Variants in INPP5D observed in about 807,000 individuals in gnomAD.
INPP5D encodes the protein inositol polyphosphate-5-phosphatase D, also known as phosphatidylinositol 3,4,5-trisphosphate 5-phosphatase 1.
Under a neutral mutation model 122.9 loss-of-function variants are expected in INPP5D, and 33 were observed. That is an observed-to-expected ratio of 0.27 (90% CI 0.20 to 0.36). The LOEUF (loss-of-function observed/expected upper bound fraction) is 0.36. Among genes scored for constraint, INPP5D ranks in the 10% least tolerant of loss-of-function variants. INPP5D has a pLI of 1.00. For missense variants in INPP5D, 1,053 were observed against 1,412.7 expected (o/e 0.75, Z 4.08); for synonymous variants, 584 against 576.2 (o/e 1.01, Z -0.19).
At chr2:233,124,843 C>G (rs988418185) in intron 3 of INPP5D, among the ~76,000 whole-genome samples, 2 of 152,360 alleles carry the variant, frequency 1.3e-5, no homozygotes, top group South Asian at 2.1e-4. Flanking sequence ...GTTGTCGGCT[C>G]GAACCAGAGC....
At chr2:233,085,463 T>C (rs192581106) in intron 2 of INPP5D, among the ~76,000 whole-genome samples, 4 of 152,240 alleles carry the variant, frequency 2.6e-5, no homozygotes, top group East Asian at 1.9e-4. Context: ...CTGGTTCCTA[T>C]AGAGGCGACC....
chr2:233,191,856 A>G (rs1200573631), intron 22 of INPP5D, among the ~76,000 whole-genome samples: 1 of 152,250 alleles, frequency 6.6e-6, no homozygotes, highest in Non-Finnish European at 1.5e-5. Flanking sequence ...GGTGGAAGTC[A>G]CTAAAGAGGA....
intron 2 of INPP5D, among the ~76,000 whole-genome samples, chr2:233,081,989 G>A (rs548066450): frequency 2.1e-4 from 32 of 152,264 alleles, no homozygotes; most frequent in African/African-American, 7.5e-4. Flanking sequence ...GGACAGAGTC[G>A]TGGGGGCAGC....
At chr2:233,089,645 G>A (rs187779164) in intron 2 of INPP5D, among the ~76,000 whole-genome samples, 79 of 152,278 alleles carry the variant, frequency 5.2e-4, no homozygotes, top group African/African-American at 1.7e-3. Flanking sequence ...TCCAGTGAGC[G>A]TTATAGCCGT....
At position 233,206,559 on chromosome 2, in the gene INPP5D, G is replaced by T; in HGVS notation, c.3568-147G>T. On this transcript the variant is annotated intron_variant, in intron 26 of 26. Transcript: ENST00000445964. The surrounding 1 kb of genome is among the most constrained non-coding windows in gnomAD (Gnocchi z 4.0). ...CAATTTTTTTAAATAAGCAGGTAAA[G>T]TACTTAGAGCAGTGAGTGCTGGCTC... 1 of 587,338 alleles carries T rather than the reference G, an allele frequency of 1.7e-6. No individual in the cohort carries two copies. The allele number at this position is 587,338 out of a possible 1,614,324, so 36.4% of individuals were successfully genotyped here. A position where few individuals can be genotyped will look rare whatever the true frequency, so the allele number is the denominator to read the frequency against.
At chr2:233,153,494 G>A (rs1375398231) in intron 9 of INPP5D, among the ~76,000 whole-genome samples, 1 of 152,186 alleles carries the variant, frequency 6.6e-6, no homozygotes, top group Non-Finnish European at 1.5e-5. Flanking sequence ...GAGATGGATA[G>A]CGAGAGTCAC....
intron 9 of INPP5D, among the ~76,000 whole-genome samples, chr2:233,151,501 A>G (rs1693923482): frequency 6.6e-6 from 1 of 152,032 alleles, no homozygotes; most frequent in Non-Finnish European, 1.5e-5. Flanking sequence ...ATCAGAGCAC[A>G]ATTGACTCCT....
chr2:233,181,303 C>A (rs4395246), intron 18 of INPP5D, among the ~76,000 whole-genome samples: 10,440 of 152,162 alleles, frequency 0.069, 418 homozygotes, highest in Middle Eastern at 0.12. Flanking sequence ...CTTTTTCTTG[C>A]TGATTTGTAA....
In INPP5D at chr2:233,193,852, G is replaced by A. The variant is rs377226097; in HGVS notation, c.2487G>A (p.Thr829=). ...CCCTTCGGTTAGAGGCCACAGAAACGCAGCTGCCCATCTACACGCCTCTCA... is the reference window on the plus strand; with the variant it reads ...CCCTTCGGTTAGAGGCCACAGAAACACAGCTGCCCATCTACACGCCTCTCA... The part of the protein sequence containing the change: ...CIALRLEATE[T]QLPIYTPLTH... The change falls in exon 23 of 27, where the codon ACG becomes ACA. Residue 829 remains threonine (T), a synonymous_variant. Coordinates refer to ENST00000445964, the MANE Select transcript of INPP5D (RefSeq NM_001017915.3). 18 of 1,613,788 alleles carry A rather than the reference G, an allele frequency of 1.1e-5. No individual in the cohort carries two copies. Among genetic ancestry groups the A allele is most frequent in the African/African-American group, 9.3e-5 (7 of 74,882 alleles).
chr2:233,173,123 C>T (rs984582177), intron 17 of INPP5D, among the ~76,000 whole-genome samples: 2 of 151,374 alleles, frequency 1.3e-5, no homozygotes, highest in Non-Finnish European at 2.9e-5. Flanking sequence ...GCAAGAGAAT[C>T]GCTTGAACCC....
At chr2:233,147,440 T>C (rs573719805) in intron 8 of INPP5D, 31 bp from the exon 9 acceptor site, 4 of 701,440 alleles carry the variant, frequency 5.7e-6, no homozygotes, top group South Asian at 4.4e-5. Context: ...AGGCAGAAAA[T>C]CAATCAGTGA....
chr2:233,079,411 T>C lies in INPP5D; in HGVS notation c.198+13T>C, dbSNP rs374832683. 33 of 1,543,782 alleles carry C rather than the reference T, an allele frequency of 2.1e-5. No homozygotes were observed. The highest frequency in any genetic ancestry group is 2.8e-5 in the Non-Finnish European group (31 of 1,116,234). ...ATTCACTGTTCAGGTGAGTCCTTTA[T>C]AAACCTAGAAATCTGAACCTGACTT... On this transcript the variant is annotated intron_variant, in intron 2 of 26. Coordinates refer to ENST00000445964, the MANE Select transcript of INPP5D (RefSeq NM_001017915.3).
At position 233,158,387 on chromosome 2, in the gene INPP5D, C is replaced by G; in HGVS notation, c.1105C>G (p.Leu369Val). The change falls in exon 10 of 27, where the codon CTG becomes GTG. Residue 369 changes from leucine (L) to valine (V), a missense_variant. Leu to Val is a conservative substitution (Grantham distance 32, BLOSUM62 1). Around this residue, in one of 6 missense-constraint regions of INPP5D, gnomAD observed 105 missense variants for 199.8 expected, o/e 0.53. Transcript: ENST00000445964. ...GGTGGAAACAGAGAAGGAGAAGATC[C>G]TGCGGAAGGAATATGTTTTTGCTGA... ...ILVETEKEKI[L>V]RKEYVFADSK... is the part of the protein sequence containing the mutation. The G allele has an allele frequency of 1.4e-6, 1 of 703,736 alleles. No individual in the cohort carries two copies. The highest frequency in any genetic ancestry group is 1.5e-5 in the South Asian group (1 of 67,528). 43.6% of individuals were successfully genotyped at this position (703,736 alleles called of 1,614,324 possible). A position where few individuals can be genotyped will look rare whatever the true frequency, so the allele number is the denominator to read the frequency against.
intron 5 of INPP5D, chr2:233,134,019 A>G (rs1693402466): frequency 2.2e-6 from 1 of 456,030 alleles, no homozygotes; most frequent in Non-Finnish European, 4.4e-6. Context: ...ACACGTGTGC[A>G]TGGCAAAGGT....
chr2:233,187,479 T>C (rs1694952916), intron 21 of INPP5D, among the ~76,000 whole-genome samples: 2 of 152,196 alleles, frequency 1.3e-5, no homozygotes, highest in Non-Finnish European at 2.9e-5. Flanking sequence ...AGAGGGACCA[T>C]TCTCTCCTGA....
chr2:233,072,527 A>G (rs1243408198), intron 1 of INPP5D, among the ~76,000 whole-genome samples: 2 of 152,342 alleles, frequency 1.3e-5, no homozygotes, highest in South Asian at 2.1e-4. Flanking sequence ...GGAGGCATTT[A>G]TGTAGCATAA....
chr2:233,081,960 C>G (rs1241005090), intron 2 of INPP5D, among the ~76,000 whole-genome samples: 2 of 152,186 alleles, frequency 1.3e-5, no homozygotes, highest in Non-Finnish European at 2.9e-5. Context: ...AGGTACCCCC[C>G]TCTGCCTCTC....
At chr2:233,139,466 CTGTGTGTGTGTGTG>C (rs1191977468) in intron 5 of INPP5D, among the ~76,000 whole-genome samples, 5,170 of 147,534 alleles carry the variant, frequency 0.035, 127 homozygotes, top group African/African-American at 0.061. Flanking sequence ...TTGTTAACAC[CTGTGTGTGTGTGTG>C]TGTGTGTGTG....
chr2:233,125,829 T>C lies in INPP5D; in HGVS notation c.434T>C (p.Phe145Ser), dbSNP rs760881867. 1 of 1,613,790 alleles carries C rather than the reference T, an allele frequency of 6.2e-7. No homozygotes were observed. Among genetic ancestry groups the C allele is most frequent in the African/African-American group, 1.3e-5 (1 of 74,906 alleles). ...TCCTGTGAGGCCAAGGAGGTTCCTT[T>C]TTCAAACGAGAATCCCCGAGCGACC... ...ASSCEAKEVP[F>S]SNENPRATET... Residue 145 changes from phenylalanine to serine, a missense_variant, in exon 4 of 27, where the codon TTT becomes TCT. Phe to Ser is a radical substitution (Grantham distance 155, BLOSUM62 -2). This residue lies in a region of INPP5D where 196 missense variants were observed against 175.6 expected (regional missense o/e 1.12). Transcript: ENST00000445964.
Sources: allele counts gnomAD v4.1 joint callset (sites outside exome capture counted in the v4.1 genomes callset), GRCh38; gene constraint gnomAD v4.1.1; regional missense constraint gnomAD v4.1.1; non-coding constraint Gnocchi (gnomAD v3.1); transcripts MANE v1.5; gene names NCBI Gene and HGNC (gene_info 2026-07-23, HGNC 2026-07-21).